EARS2: variants seen among roughly 807,000 people sequenced by gnomAD.
The protein encoded by EARS2 is nondiscriminating glutamyl-tRNA synthetase EARS2, mitochondrial.
Under a neutral mutation model 54.1 loss-of-function variants are expected in EARS2, and 50 were observed. That is an observed-to-expected ratio of 0.92 (90% CI 0.74 to 1.17). The LOEUF is 1.17. EARS2 is among the 50% of genes most tolerant of loss of function. The pLI is 0.00. For missense variants in EARS2, 673 were observed against 675.0 expected (o/e 1.00, Z 0.03); for synonymous variants, 298 against 281.0 (o/e 1.06, Z -0.61).
At chr16:23,532,079 C>T (rs1965336572) in intron 5 of EARS2, among the ~76,000 whole-genome samples, 1 of 152,190 alleles carries the variant, frequency 6.6e-6, no homozygotes, top group Non-Finnish European at 1.5e-5. Context: ...TCTCAAAGTG[C>T]TAGAATTAAA....
rs569070963 is a variant in EARS2, at chr16:23,535,620, G to C, written c.486-260C>G. On this transcript the variant is annotated intron_variant, in intron 3 of 8. Coordinates refer to ENST00000449606, the MANE Select transcript of EARS2 (RefSeq NM_001083614.2). Reference sequence around the variant, plus strand: ...AAATAGCAAAATGCTTAGTCCGAGGGGTTGAATCCTGATTGGTATAGCCAA... The same window carrying C: ...AAATAGCAAAATGCTTAGTCCGAGGCGTTGAATCCTGATTGGTATAGCCAA... Among the ~76,000 whole-genome samples the C allele has an allele frequency of 3.9e-5, 6 of 152,268 alleles. No homozygotes were observed. In the South Asian group the frequency reaches 8.3e-4, roughly 21 times the overall value.
intron 1 of EARS2, among the ~76,000 whole-genome samples, chr16:23,554,779 G>C (rs1330065769): frequency 6.6e-6 from 1 of 152,184 alleles, no homozygotes; most frequent in African/African-American, 2.4e-5. Flanking sequence ...CCATTTATTA[G>C]TTGCTACCCC....
chr16:23,524,216 T>A lies in EARS2; in HGVS notation c.*155A>T. 1.4e-6 allele frequency: 1 copy of A among 704,390 alleles called. No individual in the cohort carries two copies. The highest frequency in any genetic ancestry group is 2.3e-5 in the Admixed American group (1 of 43,140). 43.6% of individuals were successfully genotyped at this position (704,390 alleles called of 1,614,324 possible). A position where few individuals can be genotyped will look rare whatever the true frequency, so the allele number is the denominator to read the frequency against. On this transcript the variant is annotated 3_prime_UTR_variant, in exon 9 of 9. Coordinates refer to ENST00000449606, the MANE Select transcript of EARS2 (RefSeq NM_001083614.2). ...TTGACAAAAACGTGCCTGTGGTGGA[T>A]CACAAATGCACTTGTGTGCAGTCAG...
intron 3 of EARS2, among the ~76,000 whole-genome samples, chr16:23,538,927 T>C (rs1057124825): frequency 1.3e-5 from 2 of 151,396 alleles, no homozygotes; most frequent in African/African-American, 4.9e-5. Flanking sequence ...CCACCTAATG[T>C]AAAATAAAAC....
chr16:23,529,027 C>T (rs1259054594), intron 7 of EARS2, among the ~76,000 whole-genome samples: 1 of 152,204 alleles, frequency 6.6e-6, no homozygotes, highest in Non-Finnish European at 1.5e-5. Flanking sequence ...AGTACCGACT[C>T]CTGCATTAAG....
chr16:23,553,758 T>C (rs1328101374), intron 1 of EARS2, among the ~76,000 whole-genome samples: 1 of 151,938 alleles, frequency 6.6e-6, no homozygotes, highest in East Asian at 1.9e-4. Flanking sequence ...TAGCTGGGCA[T>C]GGTGGTGGGC....
chr16:23,549,052 A>T (rs1039888219), intron 2 of EARS2, among the ~76,000 whole-genome samples: 1 of 152,184 alleles, frequency 6.6e-6, no homozygotes, highest in African/African-American at 2.4e-5. Flanking sequence ...GTTGCAGGAC[A>T]AGAACCCAAA....
At chr16:23,534,057 A>C (rs1965371566) in intron 4 of EARS2, among the ~76,000 whole-genome samples, 1 of 151,982 alleles carries the variant, frequency 6.6e-6, no homozygotes, top group Non-Finnish European at 1.5e-5. Context: ...TGTCTCAAAA[A>C]AAAAAAAAAA....
chr16:23,541,361 A>G (rs376869826), intron 3 of EARS2, among the ~76,000 whole-genome samples: 1 of 152,128 alleles, frequency 6.6e-6, no homozygotes, highest in East Asian at 1.9e-4. Flanking sequence ...ACAAAACAAA[A>G]CAAAACAAAA....
chr16:23,525,505 G>A (rs1365791051), intron 7 of EARS2, 126 bp from the exon 8 acceptor site: 6 of 1,102,296 alleles, frequency 5.4e-6, no homozygotes, highest in Non-Finnish European at 7.7e-6. Context: ...AGCCTGTTTT[G>A]AGGGAGGTGA....
intron 3 of EARS2, among the ~76,000 whole-genome samples, chr16:23,542,192 C>A (rs1026722762): frequency 6.6e-6 from 1 of 151,942 alleles, no homozygotes; most frequent in Non-Finnish European, 1.5e-5. Context: ...TGGGGTTTCA[C>A]CATGTTGGCC....
At chr16:23,551,555 T>C (rs1965695400) in intron 2 of EARS2, among the ~76,000 whole-genome samples, 1 of 151,880 alleles carries the variant, frequency 6.6e-6, no homozygotes, top group Non-Finnish European at 1.5e-5. Context: ...GAGGCTACAG[T>C]AAGTTATGAT....
chr16:23,525,919 A>G (rs1174573816), intron 7 of EARS2, among the ~76,000 whole-genome samples: 1 of 150,744 alleles, frequency 6.6e-6, no homozygotes, highest in East Asian at 2.0e-4. Flanking sequence ...AATTGCTTGA[A>G]CCTGGGAGGA....
intron 7 of EARS2, among the ~76,000 whole-genome samples, chr16:23,527,832 CG>C (rs1168111462): frequency 6.6e-6 from 1 of 152,172 alleles, no homozygotes; most frequent in Non-Finnish European, 1.5e-5. Context: ...GGATTACAGG[CG>C]TGAGTCACCG....
Position 23,521,923 on chromosome 16 carries a change from T to C in EARS2, c.*2448A>G. ...ACAGATCTGAGTTTAAATCTTGGTTTTGCCTCGTACTATAACCTCGGAAGT... is the reference window on the plus strand; with the variant it reads ...ACAGATCTGAGTTTAAATCTTGGTTCTGCCTCGTACTATAACCTCGGAAGT... On this transcript the variant is annotated 3_prime_UTR_variant, in exon 9 of 9. Coordinates refer to ENST00000449606, the MANE Select transcript of EARS2 (RefSeq NM_001083614.2). 2.3e-6 allele frequency: 1 copy of C among 440,648 alleles called. No individual in the cohort carries two copies. The highest frequency in any genetic ancestry group is 1.6e-5 in the South Asian group (1 of 63,692). 27.3% of individuals were successfully genotyped at this position (440,648 alleles called of 1,614,324 possible).
chr16:23,552,047 A>G, intron 2 of EARS2, 102 bp downstream of exon 2: 2 of 1,427,240 alleles, frequency 1.4e-6, no homozygotes, highest in South Asian at 1.3e-5. Flanking sequence ...TTCTCCAGGA[A>G]CTCCCCATTT....
chr16:23,537,117 G>C (rs985753632), intron 3 of EARS2: 8 of 251,298 alleles, frequency 3.2e-5, no homozygotes, highest in African/African-American at 1.6e-4. Flanking sequence ...TTCTGACAGT[G>C]AGTTTGACAA....
intron 3 of EARS2, chr16:23,537,055 G>T: frequency 4.4e-6 from 1 of 228,154 alleles, no homozygotes. Context: ...AAGCAGGGCA[G>T]CATTATGTCT....
In EARS2 at chr16:23,531,189, G is replaced by A. The variant is rs377068417; in HGVS notation, c.1068-1292C>T. Among the ~76,000 whole-genome samples, 29 of 151,702 alleles carry A rather than the reference G, an allele frequency of 1.9e-4. 1 individual carries two copies. The highest frequency in any genetic ancestry group is 5.6e-4 in the African/African-American group (23 of 41,344). ...TGCGACTACAGGCATGAGCCACCGC[G>A]CCCAGCCTACATCCACTCTTGAATG... On this transcript the variant is annotated intron_variant, in intron 5 of 8. Coordinates refer to ENST00000449606, the MANE Select transcript of EARS2 (RefSeq NM_001083614.2).
Sources: allele counts gnomAD v4.1 joint callset (sites outside exome capture counted in the v4.1 genomes callset), GRCh38; gene constraint gnomAD v4.1.1; transcripts MANE v1.5; gene names NCBI Gene and HGNC (gene_info 2026-07-23, HGNC 2026-07-21).